LTK: variants seen among roughly 807,000 people sequenced by gnomAD.
LTK encodes leukocyte tyrosine kinase receptor.
A neutral mutation model predicts 101.5 loss-of-function variants in LTK; 117 were observed. The ratio of observed to expected loss-of-function variants is 1.15; its 90% CI spans 0.99 to 1.34. The LOEUF is 1.34. Ranked by LOEUF, LTK falls within the 40% of genes most tolerant of loss-of-function variation. LTK has a pLI of 0.00. For synonymous variants in LTK, 563 were observed against 494.2 expected (o/e 1.14, Z -1.85); for missense variants, 1,252 against 1,164.7 (o/e 1.07, Z -1.09).
At position 41,511,974 on chromosome 15, in the gene LTK, C is replaced by A. The variant is rs536505346; in HGVS notation, c.511-11G>T. On this transcript the variant is annotated splice_polypyrimidine_tract_variant and intron_variant, in intron 4 of 19. Transcript: ENST00000263800. This position sits in a 1 kb window ranked among gnomAD's most constrained non-coding sequence, Gnocchi z 5.9. ...GCTCTCCGGGCTACCCTGCGGGCAG[C>A]GGGGGAGGGAATCGGCGGGGCCCGG... is the stretch of plus-strand genomic sequence containing the variant. The A allele has an allele frequency of 7.5e-6, 11 of 1,465,920 alleles. No homozygotes were observed. The South Asian group carries it at 9.9e-5, about 13-fold the overall frequency. The allele number at this position is 1,465,920 out of a possible 1,614,324, so 90.8% of individuals were successfully genotyped here.
At position 41,504,632 on chromosome 15, in the gene LTK, C is replaced by T. The variant is rs749681746; in HGVS notation, c.2129G>A (p.Gly710Glu). 2 of 1,612,826 alleles carry T rather than the reference C, an allele frequency of 1.2e-6. No individual in the cohort carries two copies. Among genetic ancestry groups the T allele is most frequent in the Admixed American group, 1.7e-5 (1 of 59,940 alleles). ...TGAGAAGATCTCCCAGAGCAGCACC[C>T]CAAAAGACCTGCATCACAAGTGGGG... ...FTSKTDSWSF[G>E]VLLWEIFSLG... Residue 710 changes from glycine (G) to glutamate (E), a missense_variant, in exon 18 of 20, where the codon GGG becomes GAG. By Grantham distance (98) the Gly-to-Glu change is moderately conservative. Transcript: ENST00000263800.
Position 41,505,700 on chromosome 15 carries a change from G to A in LTK, c.1697+13C>T, listed in dbSNP as rs1566865380. The A allele has an allele frequency of 6.2e-7, 1 of 1,613,390 alleles. No individual in the cohort carries two copies. The highest frequency in any genetic ancestry group is 8.5e-7 in the Non-Finnish European group (1 of 1,179,764). On this transcript the variant is annotated intron_variant, in intron 13 of 19. Transcript: ENST00000263800. ...CTCCCGCCTTCCAGCCCTGCCCCTG[G>A]TCCCAGGTGCACCTGATGATGAGGG... is the stretch of plus-strand genomic sequence containing the variant.
rs1396611007 is a variant in LTK, at chr15:41,505,215, T to A, written c.1918A>T (p.Ile640Phe). 1 of 1,613,820 alleles carries A rather than the reference T, an allele frequency of 6.2e-7. No individual in the cohort carries two copies. The change falls in exon 15 of 20, where the codon ATC (isoleucine) becomes TTC (phenylalanine). Residue 640 changes from isoleucine (I) to phenylalanine (F), a missense_variant. By Grantham distance (21) the Ile-to-Phe change is conservative (BLOSUM62 0). Coordinates refer to ENST00000263800, the MANE Select transcript of LTK (RefSeq NM_002344.6). The stretch of plus-strand genomic sequence containing the variant: ...GCCAGGACTGCTCCTAACCTGTGGA[T>A]GAAGTGATTTTCCTCCAGGTAGTGG... ...GCHYLEENHF[I>F]HRDIAARNCL...
At position 41,503,958 on chromosome 15, in the gene LTK, T is replaced by G. The variant is rs2051158166; in HGVS notation, c.*38A>C. Reference sequence around the variant, plus strand: ...GCCTGAGGAGTATAGGGAGGGACCCTCAGTGCCTCAGTCCTTACCCTCAGG... The same window carrying G: ...GCCTGAGGAGTATAGGGAGGGACCCGCAGTGCCTCAGTCCTTACCCTCAGG... On this transcript the variant is annotated 3_prime_UTR_variant, in exon 20 of 20. Coordinates refer to ENST00000263800, the MANE Select transcript of LTK (RefSeq NM_002344.6). 1 of 1,545,566 alleles carries G rather than the reference T, an allele frequency of 6.5e-7. No individual in the cohort carries two copies. Among genetic ancestry groups the G allele is most frequent in the African/African-American group, 1.4e-5 (1 of 72,322 alleles).
chr15:41,513,002 C>T lies in LTK; in HGVS notation c.162G>A (p.Glu54=). The change falls in exon 2 of 20, where the codon GAG becomes GAA. Residue 54 remains glutamate, a synonymous_variant. Transcript: ENST00000263800. The part of the protein sequence containing the change: ...PKVSAPPSIL[E]PASPLNSPGT... ...CCGGAGAATTCAGCGGGGAGGCTGGCTCCAAGATACTAGGCGGGGCGCTGA... is the reference window on the plus strand; with the variant it reads ...CCGGAGAATTCAGCGGGGAGGCTGGTTCCAAGATACTAGGCGGGGCGCTGA... 4 of 1,613,554 alleles carry T rather than the reference C, an allele frequency of 2.5e-6. No individual in the cohort carries two copies. Among genetic ancestry groups the T allele is most frequent in the Non-Finnish European group, 2.5e-6 (3 of 1,179,928 alleles).
In LTK at chr15:41,511,394, C is replaced by A; in HGVS notation, c.814+28G>T. 1 of 1,372,308 alleles carries A rather than the reference C, an allele frequency of 7.3e-7. No individual in the cohort carries two copies. The highest frequency in any genetic ancestry group is 9.3e-7 in the Non-Finnish European group (1 of 1,071,706). 85.0% of individuals were successfully genotyped at this position (1,372,308 alleles called of 1,614,324 possible). A position where few individuals can be genotyped will look rare whatever the true frequency, so the allele number is the denominator to read the frequency against. ...TTGGCAGCCACACGGGGAGCACGCCCGCCTCTCCCCGCGGCCCGCGCCCTC... is the reference window on the plus strand; with the variant it reads ...TTGGCAGCCACACGGGGAGCACGCCAGCCTCTCCCCGCGGCCCGCGCCCTC... On this transcript the variant is annotated intron_variant, in intron 6 of 19. Coordinates refer to ENST00000263800, the MANE Select transcript of LTK (RefSeq NM_002344.6). This position sits in a 1 kb window ranked among gnomAD's most constrained non-coding sequence, Gnocchi z 5.9.
In LTK at chr15:41,511,810, CACGTA is replaced by C. The variant is rs753299083; in HGVS notation, c.657+2_657+6del. ...CCCCAACGCTGAGCGCCGAAGGGAG[CACGTA>C]CCCGGAAAACGTAGGTGGCGCCCCC... On this transcript the variant is annotated splice_donor_variant and splice_donor_5th_base_variant and intron_variant, in intron 5 of 19. Coordinates refer to ENST00000263800, the MANE Select transcript of LTK (RefSeq NM_002344.6). LOFTEE classifies it high-confidence loss of function. The surrounding 1 kb of genome is among the most constrained non-coding windows in gnomAD (Gnocchi z 5.9). 15 of 1,490,902 alleles carry C rather than the reference CACGTA, an allele frequency of 1.0e-5. No homozygotes were observed. The East Asian group carries it at 3.6e-4, about 36-fold the overall frequency. 92.4% of individuals were successfully genotyped at this position (1,490,902 alleles called of 1,614,324 possible).
At chr15:41,509,338 T>G (rs1258722793) in intron 7 of LTK, among the ~76,000 whole-genome samples, 1 of 152,196 alleles carries the variant, frequency 6.6e-6, no homozygotes, top group Non-Finnish European at 1.5e-5. Flanking sequence ...GGATGCCTCC[T>G]GCCTGCCTGA....
Position 41,505,791 on chromosome 15 carries a change from G to A in LTK, c.1633-14C>T, listed in dbSNP as rs989502298. On this transcript the variant is annotated splice_polypyrimidine_tract_variant and intron_variant, in intron 12 of 19. Transcript: ENST00000263800. The stretch of plus-strand genomic sequence containing the variant: ...TTCTGGCAGGGTCTGGGGAGGAAAA[G>A]GGCACAGTTTCTGAGCTGCCCTGCA... 6.2e-7 allele frequency: 1 copy of A among 1,613,458 alleles called. No homozygotes were observed. The highest frequency in any genetic ancestry group is 1.3e-5 in the African/African-American group (1 of 74,936).
Position 41,506,019 on chromosome 15 carries a change from C to T in LTK, c.1542-14G>A, listed in dbSNP as rs919960. ...TGGCCCAGGGCTCTGCAGGAAGACACGTTGGAAGGGAGTGGGCAGGCGGCC... is the reference window on the plus strand; with the variant it reads ...TGGCCCAGGGCTCTGCAGGAAGACATGTTGGAAGGGAGTGGGCAGGCGGCC... On this transcript the variant is annotated splice_polypyrimidine_tract_variant and intron_variant, in intron 11 of 19. Transcript: ENST00000263800. 0.016 allele frequency: 25,555 copies of T among 1,596,902 alleles called. 1,277 individuals carry two copies. In the African/African-American group the frequency reaches 0.18, roughly 11 times the overall value.
In LTK at chr15:41,505,935, G is replaced by T. The variant is rs199633928; in HGVS notation, c.1612C>A (p.Pro538Thr). 4 of 1,613,692 alleles carry T rather than the reference G, an allele frequency of 2.5e-6. No individual in the cohort carries two copies. The East Asian group carries it at 6.7e-5, about 27-fold the overall frequency. ...CTCACCTTGATAGCTACCTGCAGGG[G>T]ACTGGAGTCCCCAGGAAGGCCAATT... The part of the protein sequence containing the change: ...LVIGLPGDSS[P>T]LQVAIKTLPE... The change falls in exon 12 of 20, where the codon CCC becomes ACC. Residue 538 changes from proline (P) to threonine (T), a missense_variant. Pro to Thr is a conservative substitution (Grantham distance 38). Transcript: ENST00000263800.
At chr15:41,504,728 A>G in intron 17 of LTK, 45 bp downstream of exon 17, 1 of 1,602,710 alleles carries the variant, frequency 6.2e-7, no homozygotes, top group Non-Finnish European at 8.5e-7. Context: ...GATTAGCCTC[A>G]GGGGAGGGGA....
In LTK at chr15:41,509,057, C is replaced by T. The variant is rs144944868; in HGVS notation, c.1070G>A (p.Ser357Asn). Reference sequence around the variant, plus strand: ...TGCCAGAGGCTGCAGGAAGAGCTCGCTGCTGGGGTGTATGAAGGATACTCC... The same window carrying T: ...TGCCAGAGGCTGCAGGAAGAGCTCGTTGCTGGGGTGTATGAAGGATACTCC... ...EDGVSFIHPSSELFLQPLAVT... is the reference protein window; with the variant it reads ...EDGVSFIHPSNELFLQPLAVT... The change falls in exon 8 of 20, where the codon AGC becomes AAC. Residue 357 changes from serine (S) to asparagine (N), a missense_variant. Physicochemically the swap from Ser to Asn is conservative, Grantham distance 46. Coordinates refer to ENST00000263800, the MANE Select transcript of LTK (RefSeq NM_002344.6). 8.7e-6 allele frequency: 14 copies of T among 1,612,392 alleles called. No homozygotes were observed. The African/African-American group carries it at 1.9e-4, about 22-fold the overall frequency.
chr15:41,505,141 T>C, intron 15 of LTK, 67 bp downstream of exon 15: 2 of 1,584,308 alleles, frequency 1.3e-6, no homozygotes, highest in Non-Finnish European at 1.7e-6. Flanking sequence ...TTAAAAGCTG[T>C]GTGGAAGGGC....
Position 41,504,632 on chromosome 15 carries a change from C to A in LTK, c.2129G>T (p.Gly710Val), listed in dbSNP as rs749681746. The A allele has an allele frequency of 6.2e-7, 1 of 1,612,708 alleles. No homozygotes were observed. Among genetic ancestry groups the A allele is most frequent in the Non-Finnish European group, 8.5e-7 (1 of 1,179,682 alleles). The change falls in exon 18 of 20, where the codon GGG (glycine) becomes GTG (valine). Residue 710 changes from glycine to valine, a missense_variant. Physicochemically the swap from Gly to Val is moderately radical, Grantham distance 109 (BLOSUM62 -3). Transcript: ENST00000263800. ...FTSKTDSWSF[G>V]VLLWEIFSLG... ...TGAGAAGATCTCCCAGAGCAGCACC[C>A]CAAAAGACCTGCATCACAAGTGGGG... is the stretch of plus-strand genomic sequence containing the variant.
In LTK at chr15:41,511,391, G is replaced by A. The variant is rs980295117; in HGVS notation, c.814+31C>T. 4 of 1,369,270 alleles carry A rather than the reference G, an allele frequency of 2.9e-6. No homozygotes were observed. Among genetic ancestry groups the A allele is most frequent in the African/African-American group, 1.5e-5 (1 of 65,160 alleles). 84.8% of individuals were successfully genotyped at this position (1,369,270 alleles called of 1,614,324 possible). Reference sequence around the variant, plus strand: ...AGGTTGGCAGCCACACGGGGAGCACGCCCGCCTCTCCCCGCGGCCCGCGCC... The same window carrying A: ...AGGTTGGCAGCCACACGGGGAGCACACCCGCCTCTCCCCGCGGCCCGCGCC... On this transcript the variant is annotated intron_variant, in intron 6 of 19. Coordinates refer to ENST00000263800, the MANE Select transcript of LTK (RefSeq NM_002344.6). The surrounding 1 kb of genome is among the most constrained non-coding windows in gnomAD (Gnocchi z 5.9).
intron 1 of LTK, 80 bp downstream of exon 1, chr15:41,513,587 C>G (rs2051564953): frequency 7.6e-7 from 1 of 1,309,284 alleles, no homozygotes; most frequent in Admixed American, 1.7e-5. Flanking sequence ...CCACTGACAC[C>G]TGGCCTGTTG....
rs2051342791 is a variant in LTK, at chr15:41,508,064, C to T, written c.1249+5G>A. The T allele has an allele frequency of 1.3e-6, 2 of 1,595,824 alleles. No individual in the cohort carries two copies. Among genetic ancestry groups the T allele is most frequent in the Admixed American group, 1.7e-5 (1 of 58,570 alleles). On this transcript the variant is annotated splice_donor_5th_base_variant and intron_variant, in intron 9 of 19. Coordinates refer to ENST00000263800, the MANE Select transcript of LTK (RefSeq NM_002344.6). ...GTCCAGACCTTGGGCAAAGGTAGGA[C>T]ATACCCATGCAGGTGACGTTATCCA...
Position 41,512,868 on chromosome 15 carries a change from C to A in LTK, c.198G>T (p.Gly66=), listed in dbSNP as rs769561035. The A allele has an allele frequency of 1.2e-5, 19 of 1,610,512 alleles. 1 individual carries two copies. The South Asian group carries it at 2.0e-4, about 17-fold the overall frequency. The change falls in exon 3 of 20, where the codon GGG becomes GGT. Residue 66 remains glycine, a synonymous_variant. Transcript: ENST00000263800. ...ASPLNSPGTE[G]SWLFSTCGAS... ...CCCCGCAGGTAGAAAACAGCCAAGA[C>A]CCCTCGGTGCCTGAGAGCAAGGAGC...
Sources: gnomAD v4.1 joint callset for allele counts (sites outside exome capture counted in the v4.1 genomes callset) on GRCh38, gnomAD v4.1.1 for gene constraint, Gnocchi (gnomAD v3.1) non-coding constraint, MANE v1.5 for transcripts, NCBI Gene and HGNC (gene_info 2026-07-23, HGNC 2026-07-21) for gene names.